Variants in TAF1B observed in about 807,000 individuals in gnomAD.
The protein encoded by TAF1B is TATA box-binding protein-associated factor RNA polymerase I subunit B.
In TAF1B, 61 loss-of-function variants were observed where a neutral mutation model predicts 83.9. The observed-to-expected ratio is 0.73, with a 90% CI of 0.59 to 0.90. The LOEUF is 0.90. TAF1B is among the 40% of genes least tolerant of loss of function. TAF1B has a pLI of 0.00. For missense variants in TAF1B, 625 were observed against 677.0 expected (o/e 0.92, Z 0.85); for synonymous variants, 221 against 224.6 (o/e 0.98, Z 0.14).
At chr2:9,915,583 C>G (rs1665658395) in intron 12 of TAF1B, among the ~76,000 whole-genome samples, 2 of 152,174 alleles carry the variant, frequency 1.3e-5, no homozygotes, top group Non-Finnish European at 2.9e-5. Context: ...AATGACATAT[C>G]ATTATATACC....
At chr2:9,897,225 C>T (rs1377382737) in intron 8 of TAF1B, among the ~76,000 whole-genome samples, 2 of 152,176 alleles carry the variant, frequency 1.3e-5, no homozygotes, top group East Asian at 3.9e-4. Context: ...TCTAGATATA[C>T]TTGTCTGTAT....
At chr2:9,899,514 T>C (rs928841773) in intron 8 of TAF1B, among the ~76,000 whole-genome samples, 1 of 152,246 alleles carries the variant, frequency 6.6e-6, no homozygotes, top group African/African-American at 2.4e-5. Flanking sequence ...TTGGGTCGTT[T>C]CTACCTTTTG....
At chr2:9,902,179 A>G (rs373212869) in intron 8 of TAF1B, among the ~76,000 whole-genome samples, 29 of 151,406 alleles carry the variant, frequency 1.9e-4, no homozygotes, top group African/African-American at 6.8e-4. Flanking sequence ...AGGTCTTTCC[A>G]CCTTTGTATT....
intron 8 of TAF1B, among the ~76,000 whole-genome samples, chr2:9,889,921 A>T (rs1288917869): frequency 1.3e-5 from 2 of 152,124 alleles, no homozygotes; most frequent in African/African-American, 2.4e-5. Flanking sequence ...TGTTTGCTCT[A>T]CTGCTTTCCT....
At chr2:9,855,719 C>T (rs942264417) in intron 5 of TAF1B, among the ~76,000 whole-genome samples, 2 of 152,084 alleles carry the variant, frequency 1.3e-5, no homozygotes, top group Non-Finnish European at 2.9e-5. Context: ...ACCCAACCTA[C>T]CGAACATCAT....
chr2:9,855,937 G>A (rs1042732745), intron 5 of TAF1B, among the ~76,000 whole-genome samples: 2 of 152,140 alleles, frequency 1.3e-5, no homozygotes, highest in Admixed American at 1.3e-4. Context: ...TTGCACCGTA[G>A]TAAAGTCAAA....
intron 11 of TAF1B, 64 bp from the exon 12 acceptor site, chr2:9,913,095 G>T: frequency 7.4e-7 from 1 of 1,355,220 alleles, no homozygotes. Context: ...AAACTCAGAT[G>T]AACAATGTAT....
At chr2:9,922,207 A>C (rs1373478430) in intron 14 of TAF1B, among the ~76,000 whole-genome samples, 1 of 152,124 alleles carries the variant, frequency 6.6e-6, no homozygotes, top group Non-Finnish European at 1.5e-5. Flanking sequence ...CCCAGTTGTA[A>C]ATGTGGGGAT....
intron 9 of TAF1B, among the ~76,000 whole-genome samples, chr2:9,908,028 C>CTTTTTTTTTTTTTTTTTTTTTTT (rs57261740): frequency 1.4e-5 from 1 of 71,754 alleles, no homozygotes. Context: ...GATCTTAATT[C>CTTTTTTTTTTTTTTTTTTTTTTT]TTTTTTTTTT....
Position 9,934,028 on chromosome 2 carries a change from T to TA in TAF1B, c.*46dup. The TA allele has an allele frequency of 1.4e-6, 2 of 1,418,526 alleles. No homozygotes were observed. Among genetic ancestry groups the TA allele is most frequent in the Non-Finnish European group, 1.9e-6 (2 of 1,040,972 alleles). The allele number at this position is 1,418,526 out of a possible 1,614,324, so 87.9% of individuals were successfully genotyped here. A position where few individuals can be genotyped will look rare whatever the true frequency, so the allele number is the denominator to read the frequency against. ...TTCTGGAAAAATATTTTAATAGTGA[T>TA]AATAACATCAGATTTTAATATAACA... On this transcript the variant is annotated 3_prime_UTR_variant, in exon 15 of 15. Coordinates refer to ENST00000263663, the MANE Select transcript of TAF1B (RefSeq NM_005680.3).
chr2:9,909,397 A>G (rs912754191), intron 9 of TAF1B, among the ~76,000 whole-genome samples: 1 of 152,354 alleles, frequency 6.6e-6, no homozygotes, highest in Non-Finnish European at 1.5e-5. Flanking sequence ...CAAGTTCTCT[A>G]AGATGAGTGA....
intron 6 of TAF1B, 126 bp downstream of exon 6, chr2:9,868,555 A>G (rs1664068506): frequency 7.6e-7 from 1 of 1,317,954 alleles, no homozygotes; most frequent in Non-Finnish European, 1.1e-6. Flanking sequence ...CTAGCAAGGA[A>G]GAATGACTTG....
chr2:9,915,731 C>A (rs1055706609), intron 12 of TAF1B, among the ~76,000 whole-genome samples: 16 of 152,166 alleles, frequency 1.1e-4, no homozygotes, highest in African/African-American at 3.9e-4. Flanking sequence ...CAGTGTTTTT[C>A]ACTCCTAGAT....
chr2:9,854,211 T>C, intron 4 of TAF1B, 115 bp from the exon 5 acceptor site: 1 of 732,060 alleles, frequency 1.4e-6, no homozygotes, highest in Non-Finnish European at 2.3e-6. Flanking sequence ...AAACATTTAC[T>C]GGAAATTTAT....
At chr2:9,890,452 A>G (rs1380050792) in intron 8 of TAF1B, among the ~76,000 whole-genome samples, 1 of 152,170 alleles carries the variant, frequency 6.6e-6, no homozygotes, top group Non-Finnish European at 1.5e-5. Flanking sequence ...GATGCCTGAA[A>G]GCATGTTGTT....
At chr2:9,891,512 G>A (rs1664873942) in intron 8 of TAF1B, among the ~76,000 whole-genome samples, 1 of 151,996 alleles carries the variant, frequency 6.6e-6, no homozygotes, top group South Asian at 2.1e-4. Flanking sequence ...GATAATAACT[G>A]TTACTGTTAC....
intron 8 of TAF1B, among the ~76,000 whole-genome samples, chr2:9,890,989 C>T (rs979151068): frequency 1.1e-4 from 16 of 152,184 alleles, no homozygotes; most frequent in African/African-American, 3.6e-4. Flanking sequence ...TCAGGCTGGT[C>T]TCGAACTCCC....
intron 2 of TAF1B, among the ~76,000 whole-genome samples, chr2:9,847,844 A>G (rs1332421523): frequency 7.0e-6 from 1 of 141,918 alleles, no homozygotes. Context: ...TAATCTCTAC[A>G]TTTGTCTCTT....
chr2:9,867,275 GA>G (rs774314707), intron 5 of TAF1B, among the ~76,000 whole-genome samples: 7 of 152,128 alleles, frequency 4.6e-5, no homozygotes, highest in Non-Finnish European at 8.8e-5. Flanking sequence ...ACAGGAGTTT[GA>G]ATCGTCCAGA....
Sources: gnomAD v4.1 joint callset for allele counts (sites outside exome capture counted in the v4.1 genomes callset) on GRCh38, gnomAD v4.1.1 for gene constraint, MANE v1.5 for transcripts, NCBI Gene and HGNC (gene_info 2026-07-23, HGNC 2026-07-21) for gene names.